PHF21A: variants seen among roughly 807,000 people sequenced by gnomAD.
The protein encoded by PHF21A is PHD finger protein 21A.
Under a neutral mutation model 82.5 loss-of-function variants are expected in PHF21A, and 11 were observed. The observed-to-expected ratio is 0.13, with a 90% confidence interval of 0.08 to 0.22. The LOEUF (loss-of-function observed/expected upper bound fraction) is 0.22, where lower values mean the gene tolerates loss of function less well. Ranked by LOEUF, PHF21A falls within the 10% of genes least tolerant of loss-of-function variation. The pLI, the probability that PHF21A is intolerant of heterozygous loss-of-function variation, is 1.00. For synonymous variants in PHF21A, 297 were observed against 302.8 expected (o/e 0.98, Z 0.20); for missense variants, 579 against 837.8 (o/e 0.69, Z 3.81).
intron 1 of PHF21A, chr11:46,120,361 G>C (rs1346399063): frequency 7.3e-5 from 11 of 150,770 alleles, no homozygotes; most frequent in Non-Finnish European, 1.6e-4. Flanking sequence ...GACAGCCGAG[G>C]GGGGGCGGGC....
At chr11:46,117,759 C>A (rs1851758923) in intron 1 of PHF21A, among the ~76,000 whole-genome samples, 2 of 152,200 alleles carry the variant, frequency 1.3e-5, no homozygotes, top group African/African-American at 4.8e-5. Context: ...CTCATCAACA[C>A]AAGACTAATT....
chr11:45,953,173 T>A (rs1200622254), intron 11 of PHF21A, among the ~76,000 whole-genome samples: 4 of 152,226 alleles, frequency 2.6e-5, no homozygotes, highest in African/African-American at 9.6e-5. Flanking sequence ...AAATGTTGGC[T>A]GAGACAAACA....
chr11:45,957,901 A>C (rs929402786), intron 10 of PHF21A, among the ~76,000 whole-genome samples: 1 of 152,130 alleles, frequency 6.6e-6, no homozygotes, highest in Non-Finnish European at 1.5e-5. Context: ...TAAGAAAATA[A>C]GAAGATACAA....
intron 6 of PHF21A, among the ~76,000 whole-genome samples, chr11:46,040,790 T>C (rs1479689471): frequency 1.3e-5 from 2 of 152,154 alleles, no homozygotes. Context: ...TTCTTTCTCA[T>C]GAATTGATTA....
chr11:46,057,629 A>G (rs547779174), intron 6 of PHF21A, among the ~76,000 whole-genome samples: 3 of 152,246 alleles, frequency 2.0e-5, no homozygotes, highest in Non-Finnish European at 4.4e-5. Flanking sequence ...AAATAAGTAA[A>G]ATCACCTAAA....
intron 11 of PHF21A, among the ~76,000 whole-genome samples, chr11:45,950,787 A>G (rs1324734158): frequency 6.6e-6 from 1 of 152,194 alleles, no homozygotes. Flanking sequence ...CTCACAAAAC[A>G]TGCAGAGAGT....
At chr11:45,998,947 C>T (rs1206976742) in intron 6 of PHF21A, among the ~76,000 whole-genome samples, 1 of 152,116 alleles carries the variant, frequency 6.6e-6, no homozygotes, top group Non-Finnish European at 1.5e-5. Context: ...CTCAGCCTCC[C>T]TCCCGAATAG....
At chr11:46,103,536 G>T (rs2097122650) in intron 1 of PHF21A, among the ~76,000 whole-genome samples, 1 of 152,064 alleles carries the variant, frequency 6.6e-6, no homozygotes, top group Non-Finnish European at 1.5e-5. Flanking sequence ...AATGTTTTAG[G>T]AACAGGGACA....
intron 3 of PHF21A, among the ~76,000 whole-genome samples, chr11:46,086,844 A>C (rs529091070): frequency 1.3e-5 from 2 of 152,242 alleles, no homozygotes; most frequent in African/African-American, 4.8e-5. Context: ...TTAACATTAT[A>C]CATAACAAAG....
At chr11:45,994,242 T>C (rs2094825422) in intron 6 of PHF21A, among the ~76,000 whole-genome samples, 1 of 152,214 alleles carries the variant, frequency 6.6e-6, no homozygotes. Flanking sequence ...GGTGGGTTTT[T>C]AAAGTAAATC....
In PHF21A at chr11:45,957,852, C is replaced by T. The variant is rs376661614; in HGVS notation, c.997-4227G>A. On this transcript the variant is annotated intron_variant, in intron 10 of 18. Transcript: ENST00000676320. ...TCAACAAAACCAAAAGGTGAATCTT[C>T]GAAAAGAATAACAAAATCGACAAAC... Among the ~76,000 whole-genome samples, 10 of 150,460 alleles carry T rather than the reference C, an allele frequency of 6.6e-5. 1 individual carries two copies. In the East Asian group the frequency reaches 1.8e-3, roughly 26 times the overall value.
At chr11:45,948,568 G>A (rs1239773110) in intron 14 of PHF21A, among the ~76,000 whole-genome samples, 2 of 152,232 alleles carry the variant, frequency 1.3e-5, no homozygotes, top group African/African-American at 2.4e-5. Flanking sequence ...ACTCTCAAAT[G>A]CTTCCTTTTA....
At chr11:46,089,305 T>C (rs552333080) in intron 3 of PHF21A, among the ~76,000 whole-genome samples, 2 of 152,300 alleles carry the variant, frequency 1.3e-5, no homozygotes, top group South Asian at 4.1e-4. Flanking sequence ...TGTAGGTAGA[T>C]AAAATAATAT....
intron 6 of PHF21A, among the ~76,000 whole-genome samples, chr11:46,054,706 G>C (rs955749931): frequency 6.6e-6 from 1 of 152,144 alleles, no homozygotes; most frequent in African/African-American, 2.4e-5. Flanking sequence ...CCACTAGAAG[G>C]TAAGTTCCTT....
intron 6 of PHF21A, among the ~76,000 whole-genome samples, chr11:46,023,654 G>A (rs988504559): frequency 2.6e-5 from 4 of 152,152 alleles, no homozygotes; most frequent in African/African-American, 9.7e-5. Context: ...GCTAATGTGT[G>A]TTAAGAATCA....
At chr11:45,952,398 C>A (rs1035920598) in intron 11 of PHF21A, among the ~76,000 whole-genome samples, 2 of 152,222 alleles carry the variant, frequency 1.3e-5, no homozygotes, top group African/African-American at 2.4e-5. Flanking sequence ...TGTGCTGCCA[C>A]ACCTGGCTAA....
At chr11:46,114,510 T>C (rs1308874397) in intron 1 of PHF21A, among the ~76,000 whole-genome samples, 1 of 152,214 alleles carries the variant, frequency 6.6e-6, no homozygotes, top group East Asian at 1.9e-4. Flanking sequence ...CACATGCTAC[T>C]ACATTTCACC....
intron 5 of PHF21A, 108 bp from the exon 6 acceptor site, chr11:46,076,927 A>AT: frequency 2.4e-6 from 2 of 817,832 alleles, no homozygotes; most frequent in South Asian, 3.0e-5. Flanking sequence ...AACCCGAAGC[A>AT]TTTAGCCAAT....
intron 6 of PHF21A, among the ~76,000 whole-genome samples, chr11:46,069,683 C>T (rs1440350116): frequency 6.6e-6 from 1 of 152,132 alleles, no homozygotes; most frequent in African/African-American, 2.4e-5. Flanking sequence ...ATGAAGAGTA[C>T]AGCAATCTGG....
Sources: allele counts gnomAD v4.1 joint callset (sites outside exome capture counted in the v4.1 genomes callset), GRCh38; gene constraint gnomAD v4.1.1; transcripts MANE v1.5; gene names NCBI Gene and HGNC (gene_info 2026-07-23, HGNC 2026-07-21).